The following EBF2 variants were observed in gnomAD, a reference collection of about 807,000 sequenced individuals.
EBF2 encodes the protein EBF transcription factor 2.
A neutral mutation model predicts 72.8 loss-of-function variants in EBF2; 21 were observed. The ratio of observed to expected loss-of-function variants is 0.29; its 90% CI spans 0.20 to 0.42. The LOEUF (loss-of-function observed/expected upper bound fraction) is 0.42. Ranked by LOEUF, EBF2 falls within the 10% of genes least tolerant of loss-of-function variation. The probability of loss-of-function intolerance (pLI) is 1.00; values close to 1 mark genes in which losing one functional copy is unlikely to be tolerated. For synonymous variants in EBF2, 299 were observed against 274.2 expected, an observed-to-expected ratio of 1.09 and a Z score of -0.89; for missense variants, 637 against 731.2, an observed-to-expected ratio of 0.87 and a Z score of 1.49.
chr8:26,003,341 G>A (rs1037403194), intron 6 of EBF2, among the ~76,000 whole-genome samples: 1 of 152,122 alleles, frequency 6.6e-6, no homozygotes, highest in African/African-American at 2.4e-5. Flanking sequence ...ATTGCTACTA[G>A]ATTATTTTCT....
At position 25,943,520 on chromosome 8, in the gene EBF2, A is replaced by T. The variant is rs182153668; in HGVS notation, c.552-34965T>A. On this transcript the variant is annotated intron_variant, in intron 6 of 15. Coordinates refer to ENST00000520164, the MANE Select transcript of EBF2 (RefSeq NM_022659.4). ...GCTAGACCCTGTCTCTCAAAAAAAA[A>T]TTTTTTTAAATAAATGTTTAAAACC... Among the ~76,000 whole-genome samples, 1,388 of 151,974 alleles carry T rather than the reference A, an allele frequency of 9.1e-3. 14 individuals are homozygous for T. Among genetic ancestry groups the T allele is most frequent in the African/African-American group, 0.024 (977 of 41,412 alleles).
chr8:25,873,889 G>T (rs1238986388), intron 10 of EBF2, among the ~76,000 whole-genome samples: 1 of 152,208 alleles, frequency 6.6e-6, no homozygotes, highest in African/African-American at 2.4e-5. Flanking sequence ...AAGGGGCTGG[G>T]ATGTCTCTAG....
chr8:25,930,889 A>G (rs1475886001), intron 6 of EBF2, among the ~76,000 whole-genome samples: 3 of 152,162 alleles, frequency 2.0e-5, no homozygotes, highest in Non-Finnish European at 4.4e-5. Flanking sequence ...ATTGAGTCTT[A>G]AATCCAGCAA....
intron 6 of EBF2, among the ~76,000 whole-genome samples, chr8:26,001,838 C>T (rs565615237): frequency 6.6e-6 from 1 of 152,210 alleles, no homozygotes; most frequent in South Asian, 2.1e-4. Flanking sequence ...TGTGAGCCAC[C>T]ACACCCAGCC....
At chr8:26,003,290 C>T (rs1031399334) in intron 6 of EBF2, among the ~76,000 whole-genome samples, 1 of 152,064 alleles carries the variant, frequency 6.6e-6, no homozygotes, top group Non-Finnish European at 1.5e-5. Flanking sequence ...GAGCTGAATG[C>T]CCCCTGAGAG....
intron 7 of EBF2, among the ~76,000 whole-genome samples, chr8:25,895,048 T>A (rs911330484): frequency 1.3e-5 from 2 of 152,220 alleles, no homozygotes; most frequent in African/African-American, 4.8e-5. Flanking sequence ...AGAATGCCAA[T>A]TAGGAATACA....
chr8:25,935,202 T>TTGCTG (rs1803556358), intron 6 of EBF2, among the ~76,000 whole-genome samples: 2 of 151,930 alleles, frequency 1.3e-5, no homozygotes, highest in East Asian at 3.9e-4. Context: ...AGTGGGGGTG[T>TTGCTG]TGCTGCAGCC....
chr8:25,853,315 TC>T (rs1215156591), intron 14 of EBF2, among the ~76,000 whole-genome samples: 2 of 152,080 alleles, frequency 1.3e-5, no homozygotes, highest in Admixed American at 1.3e-4. Context: ...GTTCATATCC[TC>T]AATAGCTCAT....
intron 6 of EBF2, among the ~76,000 whole-genome samples, chr8:25,983,889 T>TG (rs1563199655): frequency 6.6e-6 from 1 of 152,240 alleles, no homozygotes; most frequent in African/African-American, 2.4e-5. Context: ...TCCACGTCAG[T>TG]GGGGCGCTAT....
chr8:25,850,757 C>A lies in EBF2; in HGVS notation c.1533G>T (p.Met511Ile), dbSNP rs960718213. Residue 511 changes from methionine (M) to isoleucine (I), a missense_variant, in exon 15 of 16, where the codon ATG becomes ATT. Physicochemically the swap from Met to Ile is conservative, Grantham distance 10 (BLOSUM62 1). This residue lies in a region of EBF2 where 259 missense variants were observed against 268.1 expected (regional missense o/e 0.97). Transcript: ENST00000520164. ...GSPTGSPYGI[M>I]SSSPTVGSSS... ...AAGACCCAACGGTGGGACTTGATGA[C>A]ATGACTGGAAAGCAAATGCACAATC... 3.2e-6 allele frequency: 5 copies of A among 1,556,982 alleles called. No homozygotes were observed. The Admixed American group carries it at 1.1e-4, about 33-fold the overall frequency.
chr8:25,961,879 G>T (rs1165727805), intron 6 of EBF2, among the ~76,000 whole-genome samples: 1 of 152,112 alleles, frequency 6.6e-6, no homozygotes, highest in Admixed American at 6.5e-5. Context: ...TTCTTATCAA[G>T]TTAAAAGCTC....
At chr8:26,007,372 G>C (rs933853134) in intron 6 of EBF2, among the ~76,000 whole-genome samples, 3 of 152,010 alleles carry the variant, frequency 2.0e-5, no homozygotes, top group Non-Finnish European at 4.4e-5. Flanking sequence ...TTTGGTATCG[G>C]GTCCCACTGG....
chr8:26,037,554 T>C (rs1192072762), intron 5 of EBF2, among the ~76,000 whole-genome samples: 3 of 152,162 alleles, frequency 2.0e-5, no homozygotes, highest in African/African-American at 7.2e-5. Flanking sequence ...GGCTGGCCCA[T>C]CTGATTAGGG....
intron 6 of EBF2, among the ~76,000 whole-genome samples, chr8:25,912,230 A>G (rs939197966): frequency 1.3e-5 from 2 of 152,296 alleles, no homozygotes; most frequent in Non-Finnish European, 2.9e-5. Context: ...CTTGCCAAAG[A>G]TCATAAGCTT....
chr8:25,858,651 CTTTTTTTTTTTTTT>C, intron 13 of EBF2, 147 bp from the exon 14 acceptor site: 1 of 136,332 alleles, frequency 7.3e-6, no homozygotes, highest in Admixed American at 1.0e-4. Flanking sequence ...CCATCTTTAG[CTTTTTTTTTTTTTT>C]TTTTTTTTTT....
At chr8:25,951,435 A>G (rs1289548951) in intron 6 of EBF2, among the ~76,000 whole-genome samples, 2 of 152,190 alleles carry the variant, frequency 1.3e-5, no homozygotes, top group Non-Finnish European at 2.9e-5. Context: ...CCAATTGAAC[A>G]TGATAAATGG....
chr8:25,913,490 GT>G (rs1200383407), intron 6 of EBF2, among the ~76,000 whole-genome samples: 1 of 152,106 alleles, frequency 6.6e-6, no homozygotes, highest in East Asian at 1.9e-4. Flanking sequence ...CTTAGTAGTA[GT>G]TAACAGCTAC....
At chr8:26,007,317 C>T (rs1184091497) in intron 6 of EBF2, among the ~76,000 whole-genome samples, 2 of 152,154 alleles carry the variant, frequency 1.3e-5, no homozygotes, top group African/African-American at 4.8e-5. Flanking sequence ...CCCCTGAACA[C>T]CCCCTGTGGC....
chr8:25,986,661 C>G (rs1585217247), intron 6 of EBF2, among the ~76,000 whole-genome samples: 1 of 142,288 alleles, frequency 7.0e-6, no homozygotes, highest in Non-Finnish European at 1.5e-5. Flanking sequence ...TATGATACAC[C>G]AATAACAACA....
Sources: gnomAD v4.1 joint callset for allele counts (sites outside exome capture counted in the v4.1 genomes callset) on GRCh38, gnomAD v4.1.1 for gene constraint, gnomAD v4.1.1 regional missense constraint, MANE v1.5 for transcripts, NCBI Gene and HGNC (gene_info 2026-07-23, HGNC 2026-07-21) for gene names.